The following RBFOX3 variants were observed in gnomAD, a reference collection of about 807,000 sequenced individuals.
RBFOX3 encodes the protein RNA binding protein fox-1 homolog 3.
A neutral mutation model predicts 48.7 loss-of-function variants in RBFOX3; 17 were observed. The observed-to-expected ratio is 0.35, with a 90% CI of 0.24 to 0.52. The LOEUF is 0.52. Ranked by LOEUF, RBFOX3 falls within the 20% of genes least tolerant of loss-of-function variation. RBFOX3 has a pLI of 0.94. For missense variants in RBFOX3, 382 were observed against 497.5 expected, an observed-to-expected ratio of 0.77 and a Z score of 2.21; for synonymous variants, 212 against 209.5, an observed-to-expected ratio of 1.01 and a Z score of -0.10.
Position 79,410,351 on chromosome 17 carries a change from G to A in RBFOX3, c.-175+72103C>T, listed in dbSNP as rs894568646. On this transcript the variant is annotated intron_variant, in intron 2 of 14. Coordinates refer to ENST00000693108, the MANE Select transcript of RBFOX3 (RefSeq NM_001350451.2). ...CCGTGCATCATTCTGGCTGCGGCAG[G>A]CAGAGTTCCAGGTCAGCACCTGGTG... Among the ~76,000 whole-genome samples the A allele has an allele frequency of 2.0e-5, 3 of 152,204 alleles. No individual in the cohort carries two copies. The East Asian group carries it at 5.8e-4, about 29-fold the overall frequency.
chr17:79,642,017 T>C, the RBFOX3 span, among the ~76,000 whole-genome samples: 1 of 152,126 alleles, frequency 6.6e-6, no homozygotes, highest in African/African-American at 2.4e-5. Flanking sequence ...ATTAAACCTC[T>C]TTTTTTAATG....
intron 2 of RBFOX3, among the ~76,000 whole-genome samples, chr17:79,461,146 G>T (rs2075313930): frequency 6.6e-6 from 1 of 152,216 alleles, no homozygotes; most frequent in Non-Finnish European, 1.5e-5. Context: ...CAAGGGGGTT[G>T]TTGGGGGTAC....
In RBFOX3 at chr17:79,096,717, G is replaced by A; in HGVS notation, c.872C>T (p.Pro291Leu). 1.3e-6 allele frequency: 2 copies of A among 1,551,140 alleles called. No individual in the cohort carries two copies. The highest frequency in any genetic ancestry group is 1.4e-5 in the African/African-American group (1 of 73,126). ...CCTGGAAGCAAACGGACAAGAAAGTGGTGGGAACGCTGGAGAGGTGGGGTA... is the reference window on the plus strand; with the variant it reads ...CCTGGAAGCAAACGGACAAGAAAGTAGTGGGAACGCTGGAGAGGTGGGGTA... ...PAYPTSPAFP[P>L]LSCPFASRVV... The change falls in exon 12 of 15, where the codon CCA (proline) becomes CTA (leucine). Residue 291 changes from proline (P) to leucine (L), a missense_variant. Physicochemically the swap from Pro to Leu is moderately conservative, Grantham distance 98. Around this residue, in one of 3 missense-constraint regions of RBFOX3, gnomAD observed 215 missense variants for 254.8 expected, o/e 0.84. Transcript: ENST00000693108.
chr17:79,361,559 C>G lies in RBFOX3; in HGVS notation c.-174-53735G>C, dbSNP rs1258207927. On this transcript the variant is annotated intron_variant, in intron 2 of 14. Coordinates refer to ENST00000693108, the MANE Select transcript of RBFOX3 (RefSeq NM_001350451.2). This position sits in a 1 kb window ranked among gnomAD's most constrained non-coding sequence, Gnocchi z 4.5. ...CACAGCTGGAGAGGGCCCAGCTGAT[C>G]AGCAGCTCTGCCAGGCACTGTCCAG... 1.3e-5 allele frequency among the ~76,000 whole-genome samples: 2 copies of G among 152,240 alleles called. No homozygotes were observed. The highest frequency in any genetic ancestry group is 6.5e-5 in the Admixed American group (1 of 15,292).
At chr17:79,653,214 C>T in the RBFOX3 span, among the ~76,000 whole-genome samples, 2 of 152,148 alleles carry the variant, frequency 1.3e-5, no homozygotes, top group Admixed American at 6.5e-5. Context: ...ACATGCACGT[C>T]GGCACAGGGT....
intron 4 of RBFOX3, among the ~76,000 whole-genome samples, chr17:79,192,156 G>A (rs1232915791): frequency 2.0e-5 from 3 of 152,096 alleles, no homozygotes; most frequent in South Asian, 2.1e-4. Context: ...GGGGTCCAGC[G>A]ATGTTTTGGC....
intron 4 of RBFOX3, among the ~76,000 whole-genome samples, chr17:79,173,219 A>ATACATACATACATACATACATAC (rs1555730608): frequency 0.096 from 14,436 of 150,502 alleles, 950 homozygotes; most frequent in African/African-American, 0.18. Flanking sequence ...TAAATAAATA[A>ATACATACATACATACATACATAC]ATACATACAT....
At chr17:79,424,074 A>C (rs969699925) in intron 2 of RBFOX3, 1 of 152,220 alleles carries the variant, frequency 6.6e-6, no homozygotes, top group African/African-American at 2.4e-5. Context: ...CACTCACCCC[A>C]TACCAGGGTG....
In RBFOX3 at chr17:79,372,604, C is replaced by A. The variant is rs539614662; in HGVS notation, c.-174-64780G>T. Among the ~76,000 whole-genome samples the A allele has an allele frequency of 3.7e-4, 56 of 152,252 alleles. No homozygotes were observed. The South Asian group carries it at 0.012, about 32-fold the overall frequency. On this transcript the variant is annotated intron_variant, in intron 2 of 14. Transcript: ENST00000693108. The stretch of plus-strand genomic sequence containing the variant: ...CCAGGATGAACAGCCTAGCTCAGCC[C>A]AGTCTCCTGGCTGGAGGCTCTGGGA...
chr17:79,223,582 G>C (rs2059975373), intron 4 of RBFOX3, among the ~76,000 whole-genome samples: 1 of 152,202 alleles, frequency 6.6e-6, no homozygotes, highest in African/African-American at 2.4e-5. Flanking sequence ...TGTGACATTT[G>C]CCACACATTC....
intron 1 of RBFOX3, among the ~76,000 whole-genome samples, chr17:79,507,619 A>G (rs2083363494): frequency 6.6e-6 from 1 of 152,128 alleles, no homozygotes; most frequent in South Asian, 2.1e-4. Context: ...CTCAGACAAG[A>G]GCCCCCATGT....
At position 79,477,432 on chromosome 17, in the gene RBFOX3, T is replaced by C. The variant is rs1598866404; in HGVS notation, c.-175+5022A>G. 6.6e-6 allele frequency among the ~76,000 whole-genome samples: 1 copy of C among 151,616 alleles called. No individual in the cohort carries two copies. The highest frequency in any genetic ancestry group is 1.5e-5 in the Non-Finnish European group (1 of 67,940). Reference sequence around the variant, plus strand: ...TTAGCCAGACGTGGTGGCGGGCGCCTGTAGTCCCAGCTACTTGGGAGGCTG... The same window carrying C: ...TTAGCCAGACGTGGTGGCGGGCGCCCGTAGTCCCAGCTACTTGGGAGGCTG... On this transcript the variant is annotated intron_variant, in intron 2 of 14. Coordinates refer to ENST00000693108, the MANE Select transcript of RBFOX3 (RefSeq NM_001350451.2). This position sits in a 1 kb window ranked among gnomAD's most constrained non-coding sequence, Gnocchi z 4.8.
At chr17:79,136,223 C>T (rs1383875179) in intron 4 of RBFOX3, 1 of 152,366 alleles carries the variant, frequency 6.6e-6, no homozygotes, top group African/African-American at 2.4e-5. Context: ...ACGCGTGCAC[C>T]CCACACTGCC....
chr17:79,528,556 G>A (rs1020113803), intron 1 of RBFOX3, among the ~76,000 whole-genome samples: 11 of 152,064 alleles, frequency 7.2e-5, no homozygotes, highest in Non-Finnish European at 1.6e-4. Flanking sequence ...GTTGGAGACC[G>A]GGTCTTTGCA....
intron 4 of RBFOX3, among the ~76,000 whole-genome samples, chr17:79,131,673 T>C (rs1419630890): frequency 6.6e-6 from 1 of 152,222 alleles, no homozygotes. Context: ...AATAATCTGT[T>C]TTATTTTATG....
intron 4 of RBFOX3, among the ~76,000 whole-genome samples, chr17:79,157,439 AC>A (rs1316682291): frequency 6.6e-6 from 1 of 152,212 alleles, no homozygotes; most frequent in Non-Finnish European, 1.5e-5. Context: ...CTCCGAGGGA[AC>A]CTGCCAAGAA....
chr17:79,232,587 A>G (rs1297076087), intron 4 of RBFOX3, among the ~76,000 whole-genome samples: 1 of 152,256 alleles, frequency 6.6e-6, no homozygotes, highest in Non-Finnish European at 1.5e-5. Flanking sequence ...CCATATGGAG[A>G]AAAATAAACC....
chr17:79,510,161 A>T (rs1429594793), intron 1 of RBFOX3, among the ~76,000 whole-genome samples: 2 of 152,242 alleles, frequency 1.3e-5, no homozygotes, highest in East Asian at 3.9e-4. Flanking sequence ...CCTGCAGTGG[A>T]CGGGTGGTGG....
At chr17:79,357,215 C>T (rs2085324892) in intron 2 of RBFOX3, among the ~76,000 whole-genome samples, 1 of 152,244 alleles carries the variant, frequency 6.6e-6, no homozygotes, top group Non-Finnish European at 1.5e-5. Flanking sequence ...AGTGTCTGTG[C>T]TTGCACATGA....
Sources: allele counts gnomAD v4.1 joint callset (sites outside exome capture counted in the v4.1 genomes callset), GRCh38; gene constraint gnomAD v4.1.1; regional missense constraint gnomAD v4.1.1; non-coding constraint Gnocchi (gnomAD v3.1); transcripts MANE v1.5; gene names NCBI Gene and HGNC (gene_info 2026-07-23, HGNC 2026-07-21).